The following TRMT13 variants were observed in gnomAD, a reference collection of about 807,000 sequenced individuals.
TRMT13 encodes the protein tRNA methyltransferase 13, also known as tRNA:m(4)X modification enzyme TRM13 homolog.
In TRMT13, 45 loss-of-function variants were observed where a neutral mutation model predicts 55.9. The observed-to-expected ratio is 0.80, with a 90% CI of 0.63 to 1.03. The LOEUF is 1.03. Ranked by LOEUF, TRMT13 falls within the 50% of genes least tolerant of loss-of-function variation. TRMT13 has a pLI of 0.00. For missense variants in TRMT13, 513 were observed against 563.9 expected, an observed-to-expected ratio of 0.91 and a Z score of 0.91; for synonymous variants, 183 against 196.3, an observed-to-expected ratio of 0.93 and a Z score of 0.57.
intron 10 of TRMT13, 81 bp downstream of exon 10, chr1:100,148,407 A>G (rs2101749573): frequency 4.5e-6 from 6 of 1,337,578 alleles, no homozygotes; most frequent in Middle Eastern, 1.9e-4. Flanking sequence ...ATTATCAACA[A>G]TTCATGAAAA....
chr1:100,141,910 A>G (rs927399061), intron 7 of TRMT13, among the ~76,000 whole-genome samples: 2 of 152,200 alleles, frequency 1.3e-5, no homozygotes, highest in African/African-American at 4.8e-5. Flanking sequence ...GAAAATATGG[A>G]AACATTCCTG....
intron 4 of TRMT13, 47 bp from the exon 5 acceptor site, chr1:100,140,135 T>G (rs1334928375): frequency 7.1e-7 from 1 of 1,414,884 alleles, no homozygotes; most frequent in Non-Finnish European, 9.8e-7. Context: ...TTATGCTACT[T>G]TAAAGCAATT....
chr1:100,141,405 C>T (rs2101731092), intron 7 of TRMT13, among the ~76,000 whole-genome samples: 1 of 152,320 alleles, frequency 6.6e-6, no homozygotes, highest in African/African-American at 2.4e-5. Flanking sequence ...TCGTGGCTCA[C>T]TGCAGCCTTG....
chr1:100,148,738 A>T lies in TRMT13; in HGVS notation c.1364A>T (p.Tyr455Phe). 1 of 1,599,560 alleles carries T rather than the reference A, an allele frequency of 6.3e-7. No homozygotes were observed. The highest frequency in any genetic ancestry group is 1.1e-5 in the South Asian group (1 of 88,054). ...QKGFSPALQY[Y>F]TDPLVSLENV... ...GGATTCAGTCCTGCTTTGCAGTACT[A>T]TACAGACCCTCTGGTGTCTTTGGAA... Residue 455 changes from tyrosine to phenylalanine, a missense_variant, in exon 11 of 11, where the codon TAT (tyrosine) becomes TTT (phenylalanine). By Grantham distance (22) the Tyr-to-Phe change is conservative. Coordinates refer to ENST00000370141, the MANE Select transcript of TRMT13 (RefSeq NM_019083.3).
intron 10 of TRMT13, 31 bp from the exon 11 acceptor site, chr1:100,148,583 GCAAAATTTTAA>G (rs762378172): frequency 1.3e-6 from 2 of 1,554,106 alleles, no homozygotes. Context: ...ATAAACTTTT[GCAAAATTTTAA>G]CAATGTTTTG....
rs754270149 is a variant in TRMT13, at chr1:100,149,917, G to A, written c.*1097G>A. 1 of 152,710 alleles carries A rather than the reference G, an allele frequency of 6.5e-6. No homozygotes were observed. The highest frequency in any genetic ancestry group is 2.4e-5 in the African/African-American group (1 of 41,416). 9.5% of individuals were successfully genotyped at this position (152,710 alleles called of 1,614,324 possible). ...AACTATTTTTATCCTGTAGTTCTAT[G>A]ATTATATGATTTGTAAATAAGAAGC... On this transcript the variant is annotated 3_prime_UTR_variant, in exon 11 of 11. Transcript: ENST00000370141.
chr1:100,148,430 T>C, intron 10 of TRMT13, 104 bp downstream of exon 10: 1 of 1,290,350 alleles, frequency 7.7e-7, no homozygotes. Flanking sequence ...TATTTTATAA[T>C]CTAATTTTAG....
In TRMT13 at chr1:100,133,214, G is replaced by A; in HGVS notation, c.46G>A (p.Glu16Lys). Reference protein sequence around the residue: ...TSPHAPGFPAEGRCGYYVEKK... With the variant: ...TSPHAPGFPAKGRCGYYVEKK... ...GCCGCACGCGCCTGGTTTTCCAGCT[G>A]AGGGTAGATGCGGTTACTATGTGGA... The change falls in exon 1 of 11, where the codon GAG (glutamate) becomes AAG (lysine). Residue 16 changes from glutamate to lysine, a missense_variant. Around this residue, in one of 3 missense-constraint regions of TRMT13, gnomAD observed 298 missense variants for 290.3 expected, o/e 1.03. Transcript: ENST00000370141. 6.2e-7 allele frequency: 1 copy of A among 1,614,242 alleles called. No individual in the cohort carries two copies. Among genetic ancestry groups the A allele is most frequent in the Non-Finnish European group, 8.5e-7 (1 of 1,180,048 alleles).
chr1:100,143,044 C>T, intron 7 of TRMT13, 93 bp from the exon 8 acceptor site: 1 of 783,106 alleles, frequency 1.3e-6, no homozygotes. Context: ...TTCTGTTGCT[C>T]TGAATTTTGA....
intron 1 of TRMT13, among the ~76,000 whole-genome samples, chr1:100,135,878 G>T (rs138287874): frequency 1.3e-5 from 2 of 152,064 alleles, no homozygotes; most frequent in African/African-American, 4.8e-5. Context: ...GTCCCATAAG[G>T]TTATAATACT....
intron 3 of TRMT13, 119 bp from the exon 4 acceptor site, chr1:100,139,530 T>G: frequency 1.6e-6 from 1 of 635,622 alleles, no homozygotes; most frequent in Non-Finnish European, 2.8e-6. Context: ...AAGAAATGAA[T>G]GGAGGAAGGG....
In TRMT13 at chr1:100,150,397, C is replaced by A. The variant is rs1657868879; in HGVS notation, c.*1577C>A. 1 of 152,168 alleles carries A rather than the reference C, an allele frequency of 6.6e-6. No homozygotes were observed. The highest frequency in any genetic ancestry group is 2.4e-5 in the African/African-American group (1 of 41,450). 9.4% of individuals were successfully genotyped at this position (152,168 alleles called of 1,614,324 possible). ...TGAAGATATATCATTAAATAATTAA[C>A]CTTTTTTTATTGTGTCAAGCAATAC... is the stretch of plus-strand genomic sequence containing the variant. On this transcript the variant is annotated 3_prime_UTR_variant, in exon 11 of 11. Coordinates refer to ENST00000370141, the MANE Select transcript of TRMT13 (RefSeq NM_019083.3).
chr1:100,142,938 T>C, intron 7 of TRMT13, 199 bp from the exon 8 acceptor site: 1 of 537,644 alleles, frequency 1.9e-6, no homozygotes. Context: ...AAATAATGTC[T>C]ATGTAATAAT....
In TRMT13 at chr1:100,149,273, C is replaced by T; in HGVS notation, c.*453C>T. On this transcript the variant is annotated 3_prime_UTR_variant, in exon 11 of 11. Coordinates refer to ENST00000370141, the MANE Select transcript of TRMT13 (RefSeq NM_019083.3). ...TTGACTTATATGTGGACATTTTTCC[C>T]TACAGATCTGGAAAGCACAATTGTG... 2.0e-6 allele frequency: 3 copies of T among 1,520,946 alleles called. No individual in the cohort carries two copies. Among genetic ancestry groups the T allele is most frequent in the South Asian group, 1.3e-5 (1 of 76,250 alleles). 94.2% of individuals were successfully genotyped at this position (1,520,946 alleles called of 1,614,324 possible).
Position 100,149,127 on chromosome 1 carries a change from A to G in TRMT13, c.*307A>G, listed in dbSNP as rs748553775. 1 of 1,579,008 alleles carries G rather than the reference A, an allele frequency of 6.3e-7. No homozygotes were observed. The highest frequency in any genetic ancestry group is 8.5e-7 in the Non-Finnish European group (1 of 1,169,610). On this transcript the variant is annotated 3_prime_UTR_variant, in exon 11 of 11. Transcript: ENST00000370141. ...AACATACATAACATGTCAACACATA[A>G]TTAGCGTATTTCTGTTTGTATTAAT...
intron 1 of TRMT13, among the ~76,000 whole-genome samples, chr1:100,133,783 C>T (rs899556324): frequency 3.3e-5 from 5 of 152,170 alleles, no homozygotes; most frequent in South Asian, 2.1e-4. Context: ...CGGTGGCTCA[C>T]GCCTGTAATC....
rs1272561780 is a variant in TRMT13, at chr1:100,148,241, A to G, written c.1165A>G (p.Arg389Gly). 1 of 1,614,188 alleles carries G rather than the reference A, an allele frequency of 6.2e-7. No homozygotes were observed. The highest frequency in any genetic ancestry group is 1.3e-5 in the African/African-American group (1 of 75,050). The change falls in exon 10 of 11, where the codon AGG becomes GGG. Residue 389 changes from arginine to glycine, a missense_variant. Physicochemically the swap from Arg to Gly is moderately radical, Grantham distance 125. Coordinates refer to ENST00000370141, the MANE Select transcript of TRMT13 (RefSeq NM_019083.3). ...SLETSNSTTK[R>G]QDNQNDDSEE... Reference sequence around the variant, plus strand: ...GGAAACCTCAAATAGTACCACAAAGAGGCAAGATAATCAGAATGATGATAG... The same window carrying G: ...GGAAACCTCAAATAGTACCACAAAGGGGCAAGATAATCAGAATGATGATAG...
At chr1:100,139,788 A>G in intron 4 of TRMT13, 77 bp downstream of exon 4, 1 of 927,002 alleles carries the variant, frequency 1.1e-6, no homozygotes. Flanking sequence ...GGCATGTTCT[A>G]ATTTTTGTCT....
rs1657510580 is a variant in TRMT13, at chr1:100,148,060, T to C, written c.984T>C (p.Ala328=). The C allele has an allele frequency of 6.2e-7, 1 of 1,614,144 alleles. No homozygotes were observed. The highest frequency in any genetic ancestry group is 1.3e-5 in the African/African-American group (1 of 74,946). Residue 328 remains alanine (A), a synonymous_variant, in exon 10 of 11, where the codon GCT becomes GCC. Coordinates refer to ENST00000370141, the MANE Select transcript of TRMT13 (RefSeq NM_019083.3). The stretch of plus-strand genomic sequence containing the variant: ...TCCCAGAGAAGTGGAACCCTGTGGC[T>C]GGCATTGTTATTGCACTCTGTTGTC... ...KNVPEKWNPV[A]GIVIALCCHH... is the part of the protein sequence containing the mutation.
Sources: gnomAD v4.1 joint callset for allele counts (sites outside exome capture counted in the v4.1 genomes callset) on GRCh38, gnomAD v4.1.1 for gene constraint, gnomAD v4.1.1 regional missense constraint, MANE v1.5 for transcripts, NCBI Gene and HGNC (gene_info 2026-07-23, HGNC 2026-07-21) for gene names.